The following TSPAN16 variants were observed in gnomAD, a reference collection of about 807,000 sequenced individuals.
The protein encoded by TSPAN16 is tetraspanin 16.
Under a neutral mutation model 25.2 loss-of-function variants are expected in TSPAN16, and 23 were observed. The observed-to-expected ratio is 0.91, with a 90% confidence interval of 0.66 to 1.29. TSPAN16 has a LOEUF of 1.29. TSPAN16 is among the 50% of genes most tolerant of loss of function. The pLI is 0.00. For synonymous variants in TSPAN16, 123 were observed against 124.4 expected (o/e 0.99, Z 0.08); for missense variants, 272 against 299.9 (o/e 0.91, Z 0.69).
In TSPAN16 at chr19:11,305,430, C is replaced by T. The variant is rs548032900; in HGVS notation, c.451-1174C>T. Among the ~76,000 whole-genome samples, 88 of 150,904 alleles carry T rather than the reference C, an allele frequency of 5.8e-4. 1 individual carries two copies. Among genetic ancestry groups the T allele is most frequent in the African/African-American group, 1.6e-3 (67 of 41,084 alleles). Reference sequence around the variant, plus strand: ...CTGTAATCCCAGCTACTCGGGAGGCCGAGGTAGGAGAATTGCTTGAACCCA... The same window carrying T: ...CTGTAATCCCAGCTACTCGGGAGGCTGAGGTAGGAGAATTGCTTGAACCCA... On this transcript the variant is annotated intron_variant, in intron 4 of 6. Coordinates refer to ENST00000590327, the MANE Select transcript of TSPAN16 (RefSeq NM_001282509.2).
At chr19:11,303,896 G>C (rs1165013064) in intron 4 of TSPAN16, among the ~76,000 whole-genome samples, 3 of 151,488 alleles carry the variant, frequency 2.0e-5, no homozygotes, top group African/African-American at 7.3e-5. Context: ...TGATTGTCCT[G>C]CCTTAGCCTC....
At chr19:11,316,118 G>GTGGTT, downstream of TSPAN16, 2 of 106,066 alleles carry the variant, frequency 1.9e-5, no homozygotes, top group Admixed American at 1.5e-4. Context: ...TGTGTGTGTG[G>GTGGTT]TTTTTTTTTT....
chr19:11,325,632 G>A, intron 6 of TSPAN16: 1 of 1,412,428 alleles, frequency 7.1e-7, no homozygotes, highest in Non-Finnish European at 9.8e-7. Context: ...CCTGAGGGCA[G>A]AGTCTCAGCT....
chr19:11,314,051 G>A (rs185531597), intron 6 of TSPAN16, among the ~76,000 whole-genome samples: 65 of 152,238 alleles, frequency 4.3e-4, no homozygotes, highest in Middle Eastern at 3.4e-3. Context: ...ATGCTACAAC[G>A]TGGATGACCC....
chr19:11,312,053 G>A, intron 5 of TSPAN16, 86 bp from the exon 6 acceptor site: 1 of 951,132 alleles, frequency 1.1e-6, no homozygotes, highest in Non-Finnish European at 1.6e-6. Context: ...AGTCGTCTGA[G>A]TGGCCTAATG....
At chr19:11,309,684 T>G (rs1246841887) in intron 5 of TSPAN16, among the ~76,000 whole-genome samples, 1 of 152,254 alleles carries the variant, frequency 6.6e-6, no homozygotes, top group Non-Finnish European at 1.5e-5. Flanking sequence ...CTTTACAGTA[T>G]TATCACTATG....
downstream of TSPAN16, among the ~76,000 whole-genome samples, chr19:11,317,162 C>G (rs1272165603): frequency 6.6e-6 from 1 of 152,190 alleles, no homozygotes; most frequent in Non-Finnish European, 1.5e-5. Context: ...AAACCTCAGA[C>G]AATGTCATTT....
chr19:11,320,509 C>T (rs10419345), downstream of TSPAN16, among the ~76,000 whole-genome samples: 59 of 152,040 alleles, frequency 3.9e-4, no homozygotes, highest in African/African-American at 1.4e-3. Flanking sequence ...AAGATCCCAT[C>T]TCTCAATCAC....
At chr19:11,326,260 A>C (rs911850546) in intron 6 of TSPAN16, among the ~76,000 whole-genome samples, 1 of 151,758 alleles carries the variant, frequency 6.6e-6, no homozygotes, top group Non-Finnish European at 1.5e-5. Context: ...GTTCACCTGC[A>C]GTCTCAGCTA....
chr19:11,303,439 T>A (rs2147941978), intron 4 of TSPAN16, among the ~76,000 whole-genome samples: 1 of 145,064 alleles, frequency 6.9e-6, no homozygotes, highest in Admixed American at 6.9e-5. Context: ...CAGGGTCCTC[T>A]GCCTAGGAAA....
intron 6 of TSPAN16, chr19:11,325,499 T>A: frequency 6.2e-7 from 1 of 1,613,684 alleles, no homozygotes; most frequent in Admixed American, 1.7e-5. Context: ...GACTCGTTCA[T>A]CTTCTCGCAG....
intron 4 of TSPAN16, among the ~76,000 whole-genome samples, chr19:11,302,673 A>ATG (rs1219957270): frequency 9.7e-5 from 9 of 93,140 alleles, no homozygotes; most frequent in African/African-American, 4.9e-4. Flanking sequence ...ATATATATAT[A>ATG]TATATACACA....
At chr19:11,309,601 A>G (rs1283450189) in intron 5 of TSPAN16, among the ~76,000 whole-genome samples, 2 of 152,136 alleles carry the variant, frequency 1.3e-5, no homozygotes, top group Non-Finnish European at 2.9e-5. Flanking sequence ...CCATCTATAA[A>G]AGTATCCCTC....
chr19:11,304,344 A>G (rs2080602223), intron 4 of TSPAN16, among the ~76,000 whole-genome samples: 1 of 150,984 alleles, frequency 6.6e-6, no homozygotes. Flanking sequence ...ATAGGGAACA[A>G]TTTATTTATG....
chr19:11,326,217 A>G (rs2080811811), intron 6 of TSPAN16, among the ~76,000 whole-genome samples: 1 of 142,924 alleles, frequency 7.0e-6, no homozygotes, highest in African/African-American at 3.0e-5. Flanking sequence ...GCGAGATTCT[A>G]TTAAAAAAAA....
chr19:11,300,936 C>G (rs1015252858), intron 3 of TSPAN16: 1 of 348,316 alleles, frequency 2.9e-6, no homozygotes, highest in Non-Finnish European at 5.4e-6. Context: ...TTCCAAAGAG[C>G]AGATGATTCA....
At chr19:11,325,426 G>GGGGGGGGGCC in intron 6 of TSPAN16, 1 of 825,490 alleles carries the variant, frequency 1.2e-6, no homozygotes, top group Non-Finnish European at 1.8e-6. Flanking sequence ...GGGCTGGGGG[G>GGGGGGGGGCC]CTGGAGCATC....
At chr19:11,313,822 A>G (rs1320591295) in intron 6 of TSPAN16, among the ~76,000 whole-genome samples, 1 of 152,208 alleles carries the variant, frequency 6.6e-6, no homozygotes, top group African/African-American at 2.4e-5. Context: ...TTAAACACAG[A>G]ATTATTATTT....
At chr19:11,310,816 T>C (rs1216533295) in intron 5 of TSPAN16, among the ~76,000 whole-genome samples, 1 of 152,056 alleles carries the variant, frequency 6.6e-6, no homozygotes, top group East Asian at 1.9e-4. Flanking sequence ...ATGTATTTCA[T>C]GTAGATTCAT....
Sources: allele counts gnomAD v4.1 joint callset (sites outside exome capture counted in the v4.1 genomes callset), GRCh38; gene constraint gnomAD v4.1.1; transcripts MANE v1.5; gene names NCBI Gene and HGNC (gene_info 2026-07-23, HGNC 2026-07-21).